ATP5MC2: variants seen among roughly 807,000 people sequenced by gnomAD.
ATP5MC2 encodes ATP synthase F(0) complex subunit C2, mitochondrial.
ATP5MC2 carries 11 observed loss-of-function variants against 13.5 expected under a neutral mutation model. The ratio of observed to expected loss-of-function variants is 0.81; its 90% CI spans 0.51 to 1.35. ATP5MC2 has a LOEUF of 1.35. Among genes scored for constraint, ATP5MC2 ranks in the 40% most tolerant of loss-of-function variants. ATP5MC2 has a pLI of 0.00. For synonymous variants in ATP5MC2, 64 were observed against 69.7 expected, an observed-to-expected ratio of 0.92 and a Z score of 0.41; for missense variants, 132 against 175.0, an observed-to-expected ratio of 0.75 and a Z score of 1.39.
intron 4 of ATP5MC2, among the ~76,000 whole-genome samples, chr12:53,665,691 C>G (rs887462929): frequency 2.6e-5 from 4 of 152,126 alleles, no homozygotes; most frequent in African/African-American, 9.7e-5. Context: ...GTTCACCCAT[C>G]TCATTACCAC....
chr12:53,666,137 G>A (rs1012110927), intron 4 of ATP5MC2, among the ~76,000 whole-genome samples: 5 of 151,586 alleles, frequency 3.3e-5, no homozygotes, highest in Admixed American at 1.3e-4. Context: ...GTGAAACCCC[G>A]TCTCTACTAA....
At chr12:53,674,605 G>A (rs1210739961) in intron 1 of ATP5MC2, among the ~76,000 whole-genome samples, 1 of 152,174 alleles carries the variant, frequency 6.6e-6, no homozygotes, top group Admixed American at 6.5e-5. Context: ...ATTGTCCCAG[G>A]TTAAAACACT....
At position 53,667,950 on chromosome 12, in the gene ATP5MC2, CACACACATATATAT is replaced by C. The variant is rs1365363154; in HGVS notation, c.311+1184_311+1197del. ...AAACATTCTAATACATACATACATACACACACATATATATATATATATATATATATATATATATA... is the reference window on the plus strand; with the variant it reads ...AAACATTCTAATACATACATACATACATATATATATATATATATATATATA... On this transcript the variant is annotated intron_variant, in intron 4 of 4. Coordinates refer to ENST00000394349, the MANE Select transcript of ATP5MC2 (RefSeq NM_005176.7). Among the ~76,000 whole-genome samples the C allele has an allele frequency of 7.8e-4, 29 of 37,264 alleles. 1 individual carries two copies. Among genetic ancestry groups the C allele is most frequent in the Admixed American group, 4.7e-3 (14 of 2,976 alleles). 24.4% of individuals were successfully genotyped at this position (37,264 alleles called of 152,430 possible).
chr12:53,672,911 T>C (rs1400194521), intron 1 of ATP5MC2: 3 of 350,806 alleles, frequency 8.6e-6, no homozygotes, highest in East Asian at 5.6e-5. Flanking sequence ...CCCATTTCCA[T>C]AGCCTCATGA....
At chr12:53,680,153 T>G (rs1436192183), upstream of ATP5MC2, among the ~76,000 whole-genome samples, 1 of 152,034 alleles carries the variant, frequency 6.6e-6, no homozygotes, top group East Asian at 1.9e-4. Flanking sequence ...GCCCGGCTAA[T>G]TTTTGTATTT....
At chr12:53,674,884 A>C (rs1180298043) in intron 1 of ATP5MC2, among the ~76,000 whole-genome samples, 1 of 152,188 alleles carries the variant, frequency 6.6e-6, no homozygotes, top group Non-Finnish European at 1.5e-5. Context: ...ATAGTTCTTT[A>C]AGGCTTTTAG....
At chr12:53,675,873 G>A (rs1025082871) in intron 1 of ATP5MC2, among the ~76,000 whole-genome samples, 180 bp downstream of exon 1, 9 of 152,226 alleles carry the variant, frequency 5.9e-5, no homozygotes, top group African/African-American at 9.6e-5. Context: ...AGGCCCGCGC[G>A]GTTGGAGGTC....
At chr12:53,676,157 T>G, upstream of ATP5MC2, 3 of 1,614,214 alleles carry the variant, frequency 1.9e-6, no homozygotes, top group Non-Finnish European at 2.5e-6. Context: ...CAGCCACGGA[T>G]AGAGTGATTG....
At chr12:53,674,655 G>A (rs141297511) in intron 1 of ATP5MC2, among the ~76,000 whole-genome samples, 65 of 152,176 alleles carry the variant, frequency 4.3e-4, no homozygotes, top group Admixed American at 1.5e-3. Flanking sequence ...TTTATTTTTT[G>A]CCCAGGCTAT....
At position 53,668,303 on chromosome 12, in the gene ATP5MC2, C is replaced by CT. The variant is rs1268670313; in HGVS notation, c.311+844dup. Among the ~76,000 whole-genome samples the CT allele has an allele frequency of 1.8e-3, 263 of 142,164 alleles. 2 individuals carry two copies. Among genetic ancestry groups the CT allele is most frequent in the African/African-American group, 2.0e-3 (77 of 39,116 alleles). The allele number at this position is 142,164 out of a possible 152,430, so 93.3% of individuals were successfully genotyped here. A position where few individuals can be genotyped will look rare whatever the true frequency, so the allele number is the denominator to read the frequency against. On this transcript the variant is annotated intron_variant, in intron 4 of 4. Coordinates refer to ENST00000394349, the MANE Select transcript of ATP5MC2 (RefSeq NM_005176.7). ...TCGCCCAGCCTATATTTGTTTTTTT[C>CT]TTTTTTTTTTTTCCCCAAAGTCTCA...
intron 3 of ATP5MC2, among the ~76,000 whole-genome samples, 161 bp downstream of exon 3, chr12:53,669,710 G>A (rs563093656): frequency 3.3e-5 from 5 of 152,332 alleles, no homozygotes; most frequent in South Asian, 2.1e-4. Context: ...AGCATACAGT[G>A]TATTAAGTGT....
chr12:53,675,122 A>C (rs1378018326), intron 1 of ATP5MC2, among the ~76,000 whole-genome samples: 1 of 152,232 alleles, frequency 6.6e-6, no homozygotes, highest in Non-Finnish European at 1.5e-5. Context: ...AACTTGGGCA[A>C]AGGCACTATC....
intron 4 of ATP5MC2, among the ~76,000 whole-genome samples, chr12:53,666,219 A>T (rs1296796905): frequency 6.6e-6 from 1 of 151,968 alleles, no homozygotes; most frequent in Non-Finnish European, 1.5e-5. Context: ...CGAGATGAGT[A>T]GATTGCTTGA....
At chr12:53,676,085 G>A (rs1945261854), upstream of ATP5MC2, 2 of 1,614,156 alleles carry the variant, frequency 1.2e-6, no homozygotes, top group African/African-American at 2.7e-5. Context: ...AGAGAGGGGC[G>A]GAGCAGCGGG....
intron 2 of ATP5MC2, chr12:53,670,299 T>A (rs1945058503): frequency 2.8e-6 from 1 of 363,418 alleles, no homozygotes; most frequent in African/African-American, 2.1e-5. Context: ...TATATACAGA[T>A]GCTCCTCAAC....
chr12:53,676,005 C>G, intron 1 of ATP5MC2, 48 bp downstream of exon 1: 3 of 1,597,260 alleles, frequency 1.9e-6, no homozygotes, highest in Non-Finnish European at 2.6e-6. Context: ...GTGAGGTGTC[C>G]CGCGCGCGTG....
At position 53,669,814 on chromosome 12, in the gene ATP5MC2, G is replaced by A. The variant is rs1945039839; in HGVS notation, c.117+57C>T. The A allele has an allele frequency of 8.9e-6, 14 of 1,566,392 alleles. No individual in the cohort carries two copies. The South Asian group carries it at 1.3e-4, about 15-fold the overall frequency. ...GCATTCTACCTCCTGGTTCTGGCAG[G>A]TAACCCTCCCCACCCATCACCCCCA... is the stretch of plus-strand genomic sequence containing the variant. On this transcript the variant is annotated intron_variant, in intron 3 of 4. Transcript: ENST00000394349.
At chr12:53,665,497 G>A (rs71455254) in intron 4 of ATP5MC2, 69 bp from the exon 5 acceptor site, 93,734 of 1,262,376 alleles carry the variant, frequency 0.074, 4,174 homozygotes, top group Non-Finnish European at 0.091. Context: ...TATCTAAGAT[G>A]GGCTCAGGGA....
intron 4 of ATP5MC2, among the ~76,000 whole-genome samples, chr12:53,667,859 T>C (rs1300487410): frequency 6.6e-6 from 1 of 151,570 alleles, no homozygotes; most frequent in Non-Finnish European, 1.5e-5. Flanking sequence ...CCTTAGGCCT[T>C]AGTTTGCCAA....
Sources: allele counts gnomAD v4.1 joint callset (sites outside exome capture counted in the v4.1 genomes callset), GRCh38; gene constraint gnomAD v4.1.1; transcripts MANE v1.5; gene names NCBI Gene and HGNC (gene_info 2026-07-23, HGNC 2026-07-21).